Variants in NFIL3 observed in about 807,000 individuals in gnomAD.
NFIL3 encodes the protein nuclear factor, interleukin 3 regulated, also known as nuclear factor interleukin-3-regulated protein.
In NFIL3, 5 loss-of-function variants were observed where a neutral mutation model predicts 10.0. The observed-to-expected ratio is 0.50, with a 90% CI of 0.26 to 1.06. NFIL3 has a LOEUF of 1.06. Among genes scored for constraint, NFIL3 ranks in the 50% least tolerant of loss-of-function variants. NFIL3 has a pLI of 0.13. For missense variants in NFIL3, 436 were observed against 547.6 expected (o/e 0.80, Z 2.03); for synonymous variants, 202 against 206.5 (o/e 0.98, Z 0.19).
the NFIL3 span, among the ~76,000 whole-genome samples, chr9:91,430,649 T>TA: frequency 2.0e-5 from 3 of 150,994 alleles, no homozygotes; most frequent in African/African-American, 4.8e-5. Flanking sequence ...TTCTTTTTTA[T>TA]TAAAAAAAAT....
At chr9:91,418,443 C>CT (rs1833699522) in intron 1 of NFIL3, among the ~76,000 whole-genome samples, 2 of 152,222 alleles carry the variant, frequency 1.3e-5, no homozygotes, top group Middle Eastern at 3.4e-3. Flanking sequence ...AAATGGTGGG[C>CT]TAAGGGGACA....
At chr9:91,446,715 G>C in the NFIL3 span, among the ~76,000 whole-genome samples, 2 of 152,034 alleles carry the variant, frequency 1.3e-5, no homozygotes, top group East Asian at 3.9e-4. Flanking sequence ...TACAATATAC[G>C]TGCTCTTGTG....
the NFIL3 span, among the ~76,000 whole-genome samples, chr9:91,451,279 A>G: frequency 1.3e-5 from 2 of 152,134 alleles, no homozygotes; most frequent in Non-Finnish European, 2.9e-5. Context: ...CTATCTCTTC[A>G]TATACAGAAT....
the NFIL3 span, among the ~76,000 whole-genome samples, chr9:91,441,276 G>A: frequency 6.6e-6 from 1 of 151,934 alleles, no homozygotes; most frequent in Non-Finnish European, 1.5e-5. Context: ...TGTCTCTTGT[G>A]ACAGATTTTG....
chr9:91,413,257 T>C (rs1444143361), intron 1 of NFIL3, among the ~76,000 whole-genome samples: 2 of 111,894 alleles, frequency 1.8e-5, no homozygotes, highest in East Asian at 4.3e-4. Flanking sequence ...ATTATTTCCT[T>C]TTTTTTTTTT....
At chr9:91,480,507 T>A in the NFIL3 span, among the ~76,000 whole-genome samples, 1 of 152,148 alleles carries the variant, frequency 6.6e-6, no homozygotes. Context: ...GTTAAATTCC[T>A]ACCTCACAAC....
At chr9:91,474,514 G>A in the NFIL3 span, among the ~76,000 whole-genome samples, 2 of 152,076 alleles carry the variant, frequency 1.3e-5, no homozygotes. Context: ...CTATTTTGGG[G>A]CAATGGTTTG....
chr9:91,425,055 C>G (rs985908498), upstream of NFIL3, among the ~76,000 whole-genome samples: 3 of 152,198 alleles, frequency 2.0e-5, no homozygotes, highest in African/African-American at 7.2e-5. Context: ...GAGCCATGTT[C>G]CCGACAGTGA....
chr9:91,459,038 T>C, the NFIL3 span, among the ~76,000 whole-genome samples: 1 of 152,212 alleles, frequency 6.6e-6, no homozygotes, highest in Non-Finnish European at 1.5e-5. Context: ...ACTAAGTGTT[T>C]CGTTTGCATA....
the NFIL3 span, among the ~76,000 whole-genome samples, chr9:91,458,044 A>G: frequency 6.6e-6 from 1 of 151,996 alleles, no homozygotes; most frequent in Non-Finnish European, 1.5e-5. Context: ...TTCTTTTTAT[A>G]TATCAGTGAC....
At chr9:91,426,228 C>T (rs1240850262), upstream of NFIL3, 1 of 152,112 alleles carries the variant, frequency 6.6e-6, no homozygotes, top group South Asian at 2.1e-4. Context: ...TACCATCTAA[C>T]TTGGAAATCA....
chr9:91,467,604 G>T, the NFIL3 span, among the ~76,000 whole-genome samples: 1 of 151,982 alleles, frequency 6.6e-6, no homozygotes, highest in Non-Finnish European at 1.5e-5. Flanking sequence ...TATTACATAC[G>T]TATACATGTG....
intron 1 of NFIL3, among the ~76,000 whole-genome samples, chr9:91,421,181 C>T (rs1056113719): frequency 6.6e-6 from 1 of 152,100 alleles, no homozygotes; most frequent in Admixed American, 6.5e-5. Flanking sequence ...AGGAGGGCCG[C>T]GGAGACGCAG....
At chr9:91,432,244 C>G in the NFIL3 span, among the ~76,000 whole-genome samples, 2 of 152,204 alleles carry the variant, frequency 1.3e-5, no homozygotes. Flanking sequence ...TGTTTAGTGG[C>G]ATGATGTCCC....
At chr9:91,413,253 TC>T (rs1398237788) in intron 1 of NFIL3, among the ~76,000 whole-genome samples, 3 of 148,192 alleles carry the variant, frequency 2.0e-5, no homozygotes, top group African/African-American at 7.3e-5. Flanking sequence ...CAATATTATT[TC>T]CTTTTTTTTT....
At chr9:91,440,412 C>G in the NFIL3 span, among the ~76,000 whole-genome samples, 4 of 152,048 alleles carry the variant, frequency 2.6e-5, no homozygotes, top group East Asian at 7.7e-4. Flanking sequence ...GCTAGCTAGA[C>G]TAGTAAGTGT....
the NFIL3 span, among the ~76,000 whole-genome samples, chr9:91,454,798 C>G: frequency 2.0e-5 from 3 of 152,326 alleles, no homozygotes; most frequent in Non-Finnish European, 1.5e-5. Context: ...TGCCACTGCA[C>G]TCCAGCCTGG....
the NFIL3 span, among the ~76,000 whole-genome samples, chr9:91,449,653 G>C: frequency 1.3e-5 from 2 of 152,030 alleles, no homozygotes; most frequent in South Asian, 4.1e-4. Context: ...AAGGGACGTT[G>C]GTCTGAAGTT....
chr9:91,462,825 T>TG, the NFIL3 span, among the ~76,000 whole-genome samples: 1 of 102,524 alleles, frequency 9.8e-6, no homozygotes, highest in African/African-American at 3.7e-5. Flanking sequence ...ATGTTTTTTT[T>TG]GGGGGTGGGG....
Sources: allele counts gnomAD v4.1 joint callset (sites outside exome capture counted in the v4.1 genomes callset), GRCh38; gene constraint gnomAD v4.1.1; transcripts MANE v1.5; gene names NCBI Gene and HGNC (gene_info 2026-07-23, HGNC 2026-07-21).